The following TMEM132D variants were observed in gnomAD, a reference collection of about 807,000 sequenced individuals.
TMEM132D encodes the protein mature OL transmembrane protein.
A neutral mutation model predicts 62.3 loss-of-function variants in TMEM132D; 21 were observed. That is an observed-to-expected ratio of 0.34 (90% CI 0.24 to 0.49). The LOEUF (loss-of-function observed/expected upper bound fraction) is 0.49, where lower values mean the gene tolerates loss of function less well. TMEM132D is among the 20% of genes least tolerant of loss of function. The pLI is 0.99. For missense variants in TMEM132D, 1,346 were observed against 1,402.8 expected (o/e 0.96, Z 0.65); for synonymous variants, 621 against 575.6 (o/e 1.08, Z -1.13).
chr12:129,472,394 T>C (rs928510057), intron 3 of TMEM132D, among the ~76,000 whole-genome samples: 1 of 151,874 alleles, frequency 6.6e-6, no homozygotes, highest in Non-Finnish European at 1.5e-5. Flanking sequence ...TGAGAACACA[T>C]GGACACAGAG....
At chr12:129,503,978 T>C (rs1019783739) in intron 3 of TMEM132D, among the ~76,000 whole-genome samples, 1 of 143,290 alleles carries the variant, frequency 7.0e-6, no homozygotes, top group East Asian at 2.1e-4. Context: ...ATCATCACTA[T>C]TGTCATCATC....
At chr12:129,117,538 A>C (rs1875931572) in intron 5 of TMEM132D, among the ~76,000 whole-genome samples, 1 of 150,934 alleles carries the variant, frequency 6.6e-6, no homozygotes, top group Admixed American at 6.6e-5. Context: ...CTTAATTTTC[A>C]AGACAGCCCA....
chr12:129,803,311 T>G (rs1026666602), intron 1 of TMEM132D, among the ~76,000 whole-genome samples: 5 of 149,822 alleles, frequency 3.3e-5, no homozygotes, highest in Non-Finnish European at 7.4e-5. Flanking sequence ...TCAGCAAATG[T>G]AAAAGAACAG....
intron 1 of TMEM132D, among the ~76,000 whole-genome samples, chr12:129,808,897 A>G (rs7313913): frequency 0.044 from 6,701 of 152,326 alleles, 170 homozygotes; most frequent in East Asian, 0.093. Context: ...AATTGACCAC[A>G]AGAAACATCA....
At chr12:129,516,679 C>T (rs1480471401) in intron 3 of TMEM132D, among the ~76,000 whole-genome samples, 2 of 152,114 alleles carry the variant, frequency 1.3e-5, no homozygotes, top group Admixed American at 6.5e-5. Flanking sequence ...ATTTGAATTG[C>T]CAAACCATAA....
chr12:129,681,927 T>TA (rs937320417), intron 2 of TMEM132D, among the ~76,000 whole-genome samples: 8 of 152,162 alleles, frequency 5.3e-5, no homozygotes, highest in South Asian at 4.1e-4. Context: ...GTTTTTCACT[T>TA]AAAAAAATCA....
At chr12:129,711,760 T>C (rs1490034452) in intron 1 of TMEM132D, among the ~76,000 whole-genome samples, 2 of 146,990 alleles carry the variant, frequency 1.4e-5, no homozygotes, top group Non-Finnish European at 3.0e-5. Flanking sequence ...TGGGATTATA[T>C]AAAGGATGTG....
intron 3 of TMEM132D, among the ~76,000 whole-genome samples, chr12:129,343,392 G>C (rs968782843): frequency 2.0e-5 from 3 of 151,014 alleles, no homozygotes; most frequent in African/African-American, 4.9e-5. Flanking sequence ...CACATGGACA[G>C]AGGAAGAGGA....
intron 5 of TMEM132D, among the ~76,000 whole-genome samples, chr12:129,121,121 A>G (rs1395030885): frequency 2.0e-5 from 3 of 151,970 alleles, no homozygotes; most frequent in Non-Finnish European, 2.9e-5. Context: ...TTTGAGGCAG[A>G]GTCTTGGTCT....
At chr12:129,258,638 T>C (rs542258123) in intron 4 of TMEM132D, among the ~76,000 whole-genome samples, 1 of 152,344 alleles carries the variant, frequency 6.6e-6, no homozygotes, top group South Asian at 2.1e-4. Flanking sequence ...TGCTAGTCAG[T>C]CACGTAATAT....
chr12:129,398,834 TCATCCATC>T (rs138005852), intron 3 of TMEM132D, among the ~76,000 whole-genome samples: 9,823 of 71,250 alleles, frequency 0.14, 711 homozygotes, highest in East Asian at 0.39. Context: ...ATTTATGTAT[TCATCCATC>T]CATCCATCCA....
At chr12:129,879,313 T>C (rs529152160) in intron 1 of TMEM132D, among the ~76,000 whole-genome samples, 1 of 152,302 alleles carries the variant, frequency 6.6e-6, no homozygotes, top group African/African-American at 2.4e-5. Context: ...TACATCAGAA[T>C]CTCTGGGTCT....
chr12:129,820,667 C>T (rs555902012), intron 1 of TMEM132D, among the ~76,000 whole-genome samples: 1 of 152,272 alleles, frequency 6.6e-6, no homozygotes, highest in Admixed American at 6.5e-5. Flanking sequence ...CATGAAGGAG[C>T]TCATATTTCA....
intron 1 of TMEM132D, among the ~76,000 whole-genome samples, chr12:129,801,662 C>T (rs1281420775): frequency 5.9e-5 from 9 of 151,912 alleles, no homozygotes; most frequent in Non-Finnish European, 8.8e-5. Context: ...CAGTTCCTCA[C>T]CAGCAACGGA....
chr12:129,451,787 T>C (rs1221391757), intron 3 of TMEM132D, among the ~76,000 whole-genome samples: 1 of 152,102 alleles, frequency 6.6e-6, no homozygotes, highest in Non-Finnish European at 1.5e-5. Context: ...AGAAAGAGTA[T>C]GCCACTGAAA....
At chr12:129,330,304 G>C (rs1327650651) in intron 4 of TMEM132D, among the ~76,000 whole-genome samples, 1 of 152,128 alleles carries the variant, frequency 6.6e-6, no homozygotes, top group Non-Finnish European at 1.5e-5. Context: ...ACGTCAGGAG[G>C]GGTTTACTGG....
chr12:129,816,554 C>T (rs954171415), intron 1 of TMEM132D, among the ~76,000 whole-genome samples: 3 of 152,078 alleles, frequency 2.0e-5, no homozygotes, highest in Admixed American at 6.6e-5. Context: ...CACACAGAGA[C>T]AGAAAAGTCA....
intron 1 of TMEM132D, among the ~76,000 whole-genome samples, chr12:129,707,206 A>G (rs531294824): frequency 6.8e-6 from 1 of 148,044 alleles, no homozygotes; most frequent in South Asian, 2.1e-4. Flanking sequence ...AATATAATAT[A>G]TAATAGTATA....
At chr12:129,092,411 C>A (rs1874956186) in intron 5 of TMEM132D, among the ~76,000 whole-genome samples, 1 of 150,924 alleles carries the variant, frequency 6.6e-6, no homozygotes, top group Admixed American at 6.6e-5. Flanking sequence ...TGCTTGCATC[C>A]AATTCTCAAG....
Sources: gnomAD v4.1 joint callset for allele counts (sites outside exome capture counted in the v4.1 genomes callset) on GRCh38, gnomAD v4.1.1 for gene constraint, MANE v1.5 for transcripts, NCBI Gene and HGNC (gene_info 2026-07-23, HGNC 2026-07-21) for gene names.